CFTR: variants seen among roughly 807,000 people sequenced by gnomAD.
CFTR encodes the protein CF transmembrane conductance regulator, also known as cystic fibrosis transmembrane conductance regulator.
A neutral mutation model predicts 171.6 loss-of-function variants in CFTR; 181 were observed. The observed-to-expected ratio is 1.05, with a 90% CI of 0.93 to 1.19. The LOEUF (loss-of-function observed/expected upper bound fraction) is 1.19. CFTR is among the 50% of genes most tolerant of loss of function. The pLI is 0.00. For missense variants in CFTR, 1,968 were observed against 1,734.7 expected, an observed-to-expected ratio of 1.13 and a Z score of -2.39; for synonymous variants, 583 against 608.0, an observed-to-expected ratio of 0.96 and a Z score of 0.60.
chr7:117,487,580 G>T (rs1002387805), intron 1 of CFTR, among the ~76,000 whole-genome samples: 1 of 152,096 alleles, frequency 6.6e-6, no homozygotes, highest in South Asian at 2.1e-4. Flanking sequence ...GTTTCTGTGT[G>T]TGTTAAAAGA....
Position 117,509,132 on chromosome 7 carries a change from T to G in CFTR, c.263T>G (p.Leu88Ter), listed in dbSNP as rs397508412. The G allele has an allele frequency of 6.5e-7, 1 of 1,550,230 alleles. No homozygotes were observed. Among genetic ancestry groups the G allele is most frequent in the East Asian group, 2.2e-5 (1 of 44,556 alleles). ...AGATTTATGTTCTATGGAATCTTTT[T>G]ATATTTAGGGGTAAGGATCTCATTT... ...FWRFMFYGIFLYLGEVTKAVQ... is the reference protein window; with the variant it reads ...FWRFMFYGIF Residue 88 changes from leucine (L) to a stop codon, truncating the protein, a stop_gained, in exon 3 of 27, where the codon TTA becomes TGA. Transcript: ENST00000003084. LOFTEE classifies it high-confidence loss of function.
intron 23 of CFTR, among the ~76,000 whole-genome samples, chr7:117,649,549 C>G (rs528199656): frequency 7.0e-6 from 1 of 141,942 alleles, no homozygotes; most frequent in Admixed American, 7.1e-5. Flanking sequence ...AAACAAAATA[C>G]TAGGTTGTAA....
intron 7 of CFTR, among the ~76,000 whole-genome samples, chr7:117,536,967 A>C (rs1584787924): frequency 6.6e-6 from 1 of 152,366 alleles, no homozygotes; most frequent in South Asian, 2.1e-4. Flanking sequence ...TCGTTAAAAC[A>C]ATTATCAAGA....
intron 11 of CFTR, among the ~76,000 whole-genome samples, chr7:117,565,307 A>T (rs1309655737): frequency 6.6e-6 from 1 of 152,212 alleles, no homozygotes; most frequent in Non-Finnish European, 1.5e-5. Flanking sequence ...TGTTATTAAA[A>T]GGGGGACAGA....
chr7:117,522,451 G>A (rs1271100077), intron 3 of CFTR, among the ~76,000 whole-genome samples: 4 of 152,188 alleles, frequency 2.6e-5, no homozygotes, highest in Admixed American at 6.5e-5. Flanking sequence ...TGGAATTCAC[G>A]ATTTTGAATT....
At chr7:117,545,774 T>C (rs1799134705) in intron 9 of CFTR, among the ~76,000 whole-genome samples, 1 of 152,084 alleles carries the variant, frequency 6.6e-6, no homozygotes, top group Admixed American at 6.6e-5. Context: ...CCAAAGCCCT[T>C]TCTCACTTAG....
At chr7:117,626,409 G>A (rs906865583) in intron 21 of CFTR, among the ~76,000 whole-genome samples, 11 of 152,094 alleles carry the variant, frequency 7.2e-5, no homozygotes, top group Admixed American at 5.2e-4. Flanking sequence ...AAGTCTAAAC[G>A]TTTGGTGTAA....
At chr7:117,654,808 C>T (rs190998836) in intron 24 of CFTR, among the ~76,000 whole-genome samples, 58 of 152,288 alleles carry the variant, frequency 3.8e-4, no homozygotes, top group East Asian at 1.4e-3. Flanking sequence ...GCAAAGACTG[C>T]AGTGTGAGGT....
intron 25 of CFTR, 83 bp downstream of exon 25, chr7:117,664,943 T>G: frequency 1.4e-6 from 2 of 1,438,988 alleles, no homozygotes; most frequent in Non-Finnish European, 2.0e-6. Context: ...ATATTTCTAT[T>G]AGGCTGTCAT....
rs542958466 is a variant in CFTR, at chr7:117,562,819, GA to G, written c.1584+3166del. 3.9e-5 allele frequency among the ~76,000 whole-genome samples: 6 copies of G among 152,290 alleles called. No individual in the cohort carries two copies. The South Asian group carries it at 1.0e-3, about 26-fold the overall frequency. ...CAGGATCTCTAAAAGCAGGTGCCTT[GA>G]AGGCTGAGTCAAATACAAAAATGTA... On this transcript the variant is annotated intron_variant, in intron 11 of 26. Transcript: ENST00000003084.
rs75763344 is a variant in CFTR at position 117,540,171 on chromosome 7, G to A, written c.941G>A (p.Gly314Glu). 3.1e-6 allele frequency: 5 copies of A among 1,613,848 alleles called. No homozygotes were observed. The highest frequency in any genetic ancestry group is 4.2e-6 in the Non-Finnish European group (5 of 1,179,942). ...YFNSSAFFFS[G>E]FFVVFLSVLP... ...AATAGCTCAGCCTTCTTCTTCTCAG[G>A]GTTCTTTGTGGTGTTTTTATCTGTG... Residue 314 changes from glycine (G) to glutamate (E), a missense_variant, in exon 8 of 27, where the codon GGG becomes GAG. Transcript: ENST00000003084.
At chr7:117,538,194 C>A (rs1798989681) in intron 7 of CFTR, among the ~76,000 whole-genome samples, 1 of 152,060 alleles carries the variant, frequency 6.6e-6, no homozygotes, top group Non-Finnish European at 1.5e-5. Context: ...CTCAAGAGAG[C>A]AAATATAATG....
Position 117,611,714 on chromosome 7 carries a change from G to C in CFTR, c.3273G>C (p.Leu1091Phe), listed in dbSNP as rs752753702. 2 of 1,613,506 alleles carry C rather than the reference G, an allele frequency of 1.2e-6. No individual in the cohort carries two copies. The highest frequency in any genetic ancestry group is 3.3e-5 in the Admixed American group (2 of 59,890). The stretch of plus-strand genomic sequence containing the variant: ...ATTTACATACTGCCAACTGGTTCTT[G>C]TACCTGTCAACACTGCGCTGGTTCC... ...ALNLHTANWFLYLSTLRWFQM... is the reference protein window; with the variant it reads ...ALNLHTANWFFYLSTLRWFQM... Residue 1091 changes from leucine (L) to phenylalanine (F), a missense_variant, in exon 20 of 27, where the codon TTG (leucine) becomes TTC (phenylalanine). Coordinates refer to ENST00000003084, the MANE Select transcript of CFTR (RefSeq NM_000492.4).
intron 1 of CFTR, among the ~76,000 whole-genome samples, chr7:117,494,634 A>G (rs1798210322): frequency 1.3e-5 from 2 of 152,282 alleles, no homozygotes; most frequent in South Asian, 4.1e-4. Flanking sequence ...GAGAGTATTT[A>G]CTTTGGGTCC....
intron 12 of CFTR, among the ~76,000 whole-genome samples, chr7:117,588,672 C>T (rs1791983049): frequency 6.6e-6 from 1 of 152,084 alleles, no homozygotes; most frequent in Non-Finnish European, 1.5e-5. Flanking sequence ...GTATTCTAGT[C>T]ATGTGTGTAC....
chr7:117,562,017 T>C (rs1318512053), intron 11 of CFTR, among the ~76,000 whole-genome samples: 1 of 152,102 alleles, frequency 6.6e-6, no homozygotes, highest in Non-Finnish European at 1.5e-5. Flanking sequence ...AGTGGGAGAT[T>C]AATGAGTAAA....
At chr7:117,571,074 T>C (rs978869783) in intron 11 of CFTR, among the ~76,000 whole-genome samples, 4 of 152,176 alleles carry the variant, frequency 2.6e-5, no homozygotes, top group African/African-American at 9.7e-5. Context: ...AATCTCTTCA[T>C]GCCTCATAAT....
intron 1 of CFTR, among the ~76,000 whole-genome samples, chr7:117,494,538 A>T (rs1798209189): frequency 6.6e-6 from 1 of 152,144 alleles, no homozygotes; most frequent in Non-Finnish European, 1.5e-5. Flanking sequence ...AAGTACTTTA[A>T]TTCCAAATCT....
intron 22 of CFTR, among the ~76,000 whole-genome samples, chr7:117,629,392 C>T (rs910416380): frequency 1.3e-5 from 2 of 151,986 alleles, no homozygotes; most frequent in African/African-American, 4.8e-5. Flanking sequence ...GTAAGTGTTC[C>T]AATAAGTTGA....
Sources: allele counts gnomAD v4.1 joint callset (sites outside exome capture counted in the v4.1 genomes callset), GRCh38; gene constraint gnomAD v4.1.1; transcripts MANE v1.5; gene names NCBI Gene and HGNC (gene_info 2026-07-23, HGNC 2026-07-21).